CDH2: variants seen among roughly 807,000 people sequenced by gnomAD.
The protein encoded by CDH2 is cadherin 2, also known as cadherin-2.
A neutral mutation model predicts 92.0 loss-of-function variants in CDH2; 17 were observed. The observed-to-expected ratio is 0.18, with a 90% CI of 0.13 to 0.28. The LOEUF (loss-of-function observed/expected upper bound fraction) is 0.28, where lower values mean the gene tolerates loss of function less well. Ranked by LOEUF, CDH2 falls within the 10% of genes least tolerant of loss-of-function variation. The pLI, the probability that CDH2 is intolerant of heterozygous loss-of-function variation, is 1.00. For synonymous variants in CDH2, 419 were observed against 415.9 expected (o/e 1.01, Z -0.09); for missense variants, 862 against 1,133.1 (o/e 0.76, Z 3.44).
intron 9 of CDH2, among the ~76,000 whole-genome samples, chr18:27,992,171 T>A (rs1215221663): frequency 6.6e-6 from 1 of 152,218 alleles, no homozygotes; most frequent in Non-Finnish European, 1.5e-5. Flanking sequence ...TTGTTCACTA[T>A]CTGCCAATAT....
intron 2 of CDH2, among the ~76,000 whole-genome samples, chr18:28,092,093 A>G (rs538224205): frequency 6.6e-6 from 1 of 152,048 alleles, no homozygotes; most frequent in South Asian, 2.1e-4. Flanking sequence ...ATACCATCAC[A>G]TACTGGGGTT....
intron 2 of CDH2, among the ~76,000 whole-genome samples, chr18:28,107,433 A>G (rs895360975): frequency 6.6e-6 from 1 of 152,172 alleles, no homozygotes; most frequent in Non-Finnish European, 1.5e-5. Flanking sequence ...ATTGTAATAT[A>G]GAAAACTGTA....
At chr18:27,941,058 A>G (rs1381333616) in intron 6 of CDH2, among the ~76,000 whole-genome samples, 1 of 142,530 alleles carries the variant, frequency 7.0e-6, no homozygotes, top group South Asian at 2.3e-4. Flanking sequence ...TTTTTTGAGA[A>G]GGAGTCTCGC....
intron 1 of CDH2, among the ~76,000 whole-genome samples, chr18:28,167,632 G>A (rs1386362102): frequency 3.3e-5 from 5 of 152,084 alleles, no homozygotes; most frequent in African/African-American, 9.7e-5. Flanking sequence ...ATTGGAAGGA[G>A]GTACTGGTAA....
rs1330043419 is a variant in CDH2, at chr18:28,128,553, G to A, written c.172+19120C>T. ...ACAAATAACAAACAAACAATTAGCT[G>A]GGCATGCCTGTAGTCCCAGCTACTT... is the stretch of plus-strand genomic sequence containing the variant. On this transcript the variant is annotated intron_variant, in intron 2 of 15. Transcript: ENST00000269141. Among the ~76,000 whole-genome samples, 4 of 152,036 alleles carry A rather than the reference G, an allele frequency of 2.6e-5. No homozygotes were observed. The South Asian group carries it at 8.3e-4, about 32-fold the overall frequency.
At chr18:28,031,811 T>A (rs895878100) in intron 2 of CDH2, among the ~76,000 whole-genome samples, 2 of 152,160 alleles carry the variant, frequency 1.3e-5, no homozygotes, top group Non-Finnish European at 2.9e-5. Flanking sequence ...TATTTTTCCT[T>A]AGTTTTTCTA....
intron 2 of CDH2, among the ~76,000 whole-genome samples, chr18:28,042,084 C>T (rs1441323785): frequency 1.3e-5 from 2 of 152,030 alleles, no homozygotes; most frequent in African/African-American, 4.8e-5. Flanking sequence ...TGCCGAACTG[C>T]TAATAAGCAC....
intron 2 of CDH2, among the ~76,000 whole-genome samples, chr18:28,089,776 C>T (rs17536069): frequency 0.011 from 1,645 of 152,052 alleles, 32 homozygotes; most frequent in African/African-American, 0.037. Context: ...GGTCTTATTC[C>T]AAGAGATGCA....
intron 6 of CDH2, among the ~76,000 whole-genome samples, chr18:27,937,263 G>A (rs1453812328): frequency 6.6e-6 from 1 of 152,118 alleles, no homozygotes; most frequent in Non-Finnish European, 1.5e-5. Context: ...TTAAAATAAA[G>A]ACATTTAAAA....
intron 14 of CDH2, 117 bp from the exon 15 acceptor site, chr18:27,963,638 G>A (rs1598992231): frequency 2.5e-6 from 2 of 805,202 alleles, no homozygotes; most frequent in East Asian, 5.3e-5. Flanking sequence ...TTAACATAAT[G>A]GAAAAGTTGC....
chr18:28,163,730 G>A (rs548253665), intron 1 of CDH2, among the ~76,000 whole-genome samples: 2 of 152,108 alleles, frequency 1.3e-5, no homozygotes, highest in African/African-American at 2.4e-5. Flanking sequence ...TAAACATAAC[G>A]CTGAGTAGAA....
chr18:28,095,616 G>A (rs954977162), intron 2 of CDH2, among the ~76,000 whole-genome samples: 2 of 151,840 alleles, frequency 1.3e-5, no homozygotes, highest in East Asian at 1.9e-4. Context: ...TCAGGAGTTC[G>A]AAATCAGCCT....
intron 2 of CDH2, among the ~76,000 whole-genome samples, chr18:28,134,154 AAAAG>A (rs1157624499): frequency 6.6e-6 from 1 of 151,434 alleles, no homozygotes; most frequent in African/African-American, 2.4e-5. Context: ...AAAAAAAAAA[AAAAG>A]ACTTGGGAGG....
At chr18:28,167,742 A>C (rs1035529695) in intron 1 of CDH2, among the ~76,000 whole-genome samples, 1 of 152,128 alleles carries the variant, frequency 6.6e-6, no homozygotes, top group Non-Finnish European at 1.5e-5. Context: ...TGCATTTGAC[A>C]CTTCCATAAA....
intron 2 of CDH2, among the ~76,000 whole-genome samples, chr18:28,105,582 A>T (rs974249424): frequency 7.2e-5 from 11 of 152,310 alleles, no homozygotes; most frequent in African/African-American, 2.6e-4. Flanking sequence ...TTAAAAAATT[A>T]TTATTATTTT....
intron 2 of CDH2, among the ~76,000 whole-genome samples, chr18:28,014,741 C>T (rs938071695): frequency 6.7e-6 from 1 of 149,520 alleles, no homozygotes; most frequent in African/African-American, 2.5e-5. Flanking sequence ...AAAAAAAAAA[C>T]AACTACTGCT....
intron 14 of CDH2, among the ~76,000 whole-genome samples, chr18:27,979,995 T>C (rs2011990672): frequency 1.3e-5 from 2 of 152,184 alleles, no homozygotes; most frequent in African/African-American, 4.8e-5. Context: ...TCAAAGCTTT[T>C]TGAAACCATA....
In CDH2 at chr18:28,005,776, C is replaced by T. The variant is rs1378749592; in HGVS notation, c.847+73G>A. On this transcript the variant is annotated intron_variant, in intron 6 of 15. Coordinates refer to ENST00000269141, the MANE Select transcript of CDH2 (RefSeq NM_001792.5). ...AAAGCCTCATATGATTTCTCCATTT[C>T]TTGCTCATATAACAGGGCTGGTTAC... The T allele has an allele frequency of 4.1e-6, 4 of 976,972 alleles. No individual in the cohort carries two copies. The East Asian group carries it at 8.0e-5, about 20-fold the overall frequency. 60.5% of individuals were successfully genotyped at this position (976,972 alleles called of 1,614,324 possible). A position where few individuals can be genotyped will look rare whatever the true frequency, so the allele number is the denominator to read the frequency against.
chr18:28,105,446 T>C (rs1220971648), intron 2 of CDH2, among the ~76,000 whole-genome samples: 2 of 152,146 alleles, frequency 1.3e-5, no homozygotes, highest in Non-Finnish European at 2.9e-5. Flanking sequence ...ATGAAACAAA[T>C]TATTAACTAT....
Sources: allele counts gnomAD v4.1 joint callset (sites outside exome capture counted in the v4.1 genomes callset), GRCh38; gene constraint gnomAD v4.1.1; transcripts MANE v1.5; gene names NCBI Gene and HGNC (gene_info 2026-07-23, HGNC 2026-07-21).